TNS3: variants seen among roughly 807,000 people sequenced by gnomAD.
The protein encoded by TNS3 is tensin-3.
Under a neutral mutation model 140.9 loss-of-function variants are expected in TNS3, and 45 were observed. The observed-to-expected ratio is 0.32, with a 90% CI of 0.25 to 0.41. The LOEUF is 0.41. Among genes scored for constraint, TNS3 ranks in the 10% least tolerant of loss-of-function variants. TNS3 has a pLI of 1.00. For missense variants in TNS3, 1,716 were observed against 1,906.7 expected, an observed-to-expected ratio of 0.90 and a Z score of 1.86; for synonymous variants, 815 against 788.4, an observed-to-expected ratio of 1.03 and a Z score of -0.56.
chr7:47,371,410 C>G (rs1212316858), intron 16 of TNS3, among the ~76,000 whole-genome samples: 1 of 152,192 alleles, frequency 6.6e-6, no homozygotes, highest in Non-Finnish European at 1.5e-5. Context: ...CAAGGTCAGG[C>G]AGCTGCTAGG....
chr7:47,358,151 T>C (rs551306878), intron 17 of TNS3, among the ~76,000 whole-genome samples: 53 of 152,256 alleles, frequency 3.5e-4, no homozygotes, highest in African/African-American at 1.3e-3. Flanking sequence ...TTCATCTTTT[T>C]TTTTTTGACG....
At chr7:47,345,074 G>C in intron 18 of TNS3, 36 bp from the exon 19 acceptor site, 1 of 1,560,086 alleles carries the variant, frequency 6.4e-7, no homozygotes, top group Non-Finnish European at 8.8e-7. Context: ...GTGAGAACAG[G>C]GAGTCAAGTG....
chr7:47,392,221 A>T (rs977836457), intron 16 of TNS3, among the ~76,000 whole-genome samples: 1 of 152,170 alleles, frequency 6.6e-6, no homozygotes, highest in African/African-American at 2.4e-5. Context: ...CCACAGACCC[A>T]CGGGGAGACC....
At chr7:47,278,566 T>G (rs980436553) in intron 30 of TNS3, 3 of 209,804 alleles carry the variant, frequency 1.4e-5, no homozygotes, top group Admixed American at 1.1e-4. Context: ...CACCTGTCCC[T>G]GCAGATTCCT....
At position 47,422,588 on chromosome 7, in the gene TNS3, G is replaced by A. The variant is rs1470439037; in HGVS notation, c.473+1513C>T. Among the ~76,000 whole-genome samples, 3 of 151,840 alleles carry A rather than the reference G, an allele frequency of 2.0e-5. No homozygotes were observed. In the East Asian group the frequency reaches 5.8e-4, roughly 29 times the overall value. On this transcript the variant is annotated intron_variant, in intron 10 of 30. Transcript: ENST00000311160. Reference sequence around the variant, plus strand: ...AGATTGCACCACTGCACTACAGCCTGGGTGACAGAGCAACACTCTGTTTCA... The same window carrying A: ...AGATTGCACCACTGCACTACAGCCTAGGTGACAGAGCAACACTCTGTTTCA...
intron 4 of TNS3, among the ~76,000 whole-genome samples, chr7:47,474,145 CAA>C (rs1491262907): frequency 2.2e-5 from 3 of 137,276 alleles, no homozygotes; most frequent in African/African-American, 8.1e-5. Context: ...CACACACACA[CAA>C]CACACATAAA....
chr7:47,492,792 C>A (rs1002609269), intron 3 of TNS3, among the ~76,000 whole-genome samples: 2 of 152,210 alleles, frequency 1.3e-5, no homozygotes, highest in Non-Finnish European at 2.9e-5. Flanking sequence ...AGGGAGCAGG[C>A]AAGCAGGTGT....
At chr7:47,412,758 A>T (rs1180930783) in intron 12 of TNS3, among the ~76,000 whole-genome samples, 1 of 152,208 alleles carries the variant, frequency 6.6e-6, no homozygotes, top group African/African-American at 2.4e-5. Flanking sequence ...GGGGACAGAA[A>T]ATATTGTGGG....
At chr7:47,495,608 G>A (rs965471680) in intron 3 of TNS3, among the ~76,000 whole-genome samples, 2 of 152,114 alleles carry the variant, frequency 1.3e-5, no homozygotes, top group Non-Finnish European at 2.9e-5. Flanking sequence ...CCATAGAGAG[G>A]TCTCAGGAAC....
rs114787143 is a variant in TNS3 at position 47,361,473 on chromosome 7, C to T, written c.2281+6892G>A. ...AGGCTCTGGCTGAGCACCCCCAGCA[C>T]GTTCCCCAACTCTGGAGTTGAAATG... On this transcript the variant is annotated intron_variant, in intron 17 of 30. Coordinates refer to ENST00000311160, the MANE Select transcript of TNS3 (RefSeq NM_022748.12). 4.0e-3 allele frequency among the ~76,000 whole-genome samples: 613 copies of T among 152,342 alleles called. 7 individuals carry two copies. Among genetic ancestry groups the T allele is most frequent in the African/African-American group, 0.014 (563 of 41,592 alleles).
intron 1 of TNS3, among the ~76,000 whole-genome samples, chr7:47,531,891 C>G (rs1385394925): frequency 6.6e-6 from 1 of 152,166 alleles, no homozygotes; most frequent in South Asian, 2.1e-4. Context: ...GATCTGCCCC[C>G]CGGGGTGCAG....
intron 20 of TNS3, among the ~76,000 whole-genome samples, chr7:47,322,989 G>A (rs1051449222): frequency 1.3e-5 from 2 of 152,124 alleles, no homozygotes; most frequent in South Asian, 2.1e-4. Context: ...CAGCAGGGAG[G>A]GGTCCCCTGC....
intron 12 of TNS3, among the ~76,000 whole-genome samples, chr7:47,412,618 T>C (rs1290401536): frequency 6.6e-6 from 1 of 151,956 alleles, no homozygotes; most frequent in African/African-American, 2.4e-5. Flanking sequence ...TAAATAAAAA[T>C]GGAAAACAAA....
At chr7:47,459,976 T>TA (rs1796413463) in intron 4 of TNS3, among the ~76,000 whole-genome samples, 1 of 152,098 alleles carries the variant, frequency 6.6e-6, no homozygotes, top group Admixed American at 6.6e-5. Context: ...AGGGTGGCCC[T>TA]AATCCAGTAT....
chr7:47,428,166 C>T, intron 9 of TNS3, 146 bp downstream of exon 9: 1 of 466,816 alleles, frequency 2.1e-6, no homozygotes, highest in Non-Finnish European at 3.6e-6. Flanking sequence ...GGTTTCTAGG[C>T]ACTGACCAAC....
chr7:47,396,568 A>G, intron 16 of TNS3: 1 of 540,128 alleles, frequency 1.9e-6, no homozygotes, highest in Non-Finnish European at 3.3e-6. Flanking sequence ...CTGACAGCTC[A>G]TCCACCCGTT....
chr7:47,575,496 G>C (rs1800653372), intron 1 of TNS3, among the ~76,000 whole-genome samples: 2 of 152,102 alleles, frequency 1.3e-5, no homozygotes, highest in African/African-American at 4.8e-5. Flanking sequence ...CTATTTTGTA[G>C]AAAAATAGTC....
intron 16 of TNS3, among the ~76,000 whole-genome samples, chr7:47,396,114 A>G (rs534257433): frequency 6.6e-6 from 1 of 152,328 alleles, no homozygotes; most frequent in Non-Finnish European, 1.5e-5. Flanking sequence ...CTGATTCTCA[A>G]TCGGTGGTTG....
chr7:47,361,216 A>AAAAAAAAAAAAAAAAAAAAAAAAAAAAC, intron 17 of TNS3, among the ~76,000 whole-genome samples: 1 of 146,794 alleles, frequency 6.8e-6, no homozygotes, highest in Admixed American at 6.9e-5. Flanking sequence ...CAAAAAAAAA[A>AAAAAAAAAAAAAAAAAAAAAAAAAAAAC]AAAAAAAACA....
Sources: gnomAD v4.1 joint callset for allele counts (sites outside exome capture counted in the v4.1 genomes callset) on GRCh38, gnomAD v4.1.1 for gene constraint, MANE v1.5 for transcripts, NCBI Gene and HGNC (gene_info 2026-07-23, HGNC 2026-07-21) for gene names.